The following RNF150 variants were observed in gnomAD, a reference collection of about 807,000 sequenced individuals.
RNF150 encodes ring finger protein 150.
In RNF150, 24 loss-of-function variants were observed where a neutral mutation model predicts 39.3. The ratio of observed to expected loss-of-function variants is 0.61; its 90% CI spans 0.44 to 0.86. The LOEUF (loss-of-function observed/expected upper bound fraction) is 0.86, where lower values mean the gene tolerates loss of function less well. RNF150 is among the 40% of genes least tolerant of loss of function. The pLI is 0.00. For missense variants in RNF150, 502 were observed against 587.8 expected, an observed-to-expected ratio of 0.85 and a Z score of 1.51; for synonymous variants, 255 against 227.3, an observed-to-expected ratio of 1.12 and a Z score of -1.10.
intron 1 of RNF150, among the ~76,000 whole-genome samples, chr4:141,047,257 G>C (rs1201047360): frequency 6.6e-6 from 1 of 152,012 alleles, no homozygotes; most frequent in Admixed American, 6.6e-5. Flanking sequence ...ATGTTAAAAC[G>C]CTATGACAGT....
chr4:141,121,556 C>T (rs1441725891), intron 1 of RNF150, among the ~76,000 whole-genome samples: 2 of 152,130 alleles, frequency 1.3e-5, no homozygotes, highest in Non-Finnish European at 2.9e-5. Flanking sequence ...AATCAAATTA[C>T]AAGGTCTAAT....
rs555153898 is a variant in RNF150 at position 141,186,650 on chromosome 4, C to G, written c.-6+26144G>C. Among the ~76,000 whole-genome samples the G allele has an allele frequency of 3.3e-5, 5 of 152,158 alleles. 1 individual carries two copies. The East Asian group carries it at 9.7e-4, about 29-fold the overall frequency. ...TCGATCTCCTGACCTAGTGATCCAC[C>G]TGCCTCAGCCTCCCAAAGTGCTGGG... On this transcript the variant is annotated intron_variant, in intron 1 of 7. Coordinates refer to the RNF150 transcript ENST00000420921.
At chr4:140,992,991 A>G (rs1734248722) in intron 1 of RNF150, among the ~76,000 whole-genome samples, 1 of 152,018 alleles carries the variant, frequency 6.6e-6, no homozygotes, top group African/African-American at 2.4e-5. Context: ...CAGGATCCAC[A>G]GGAGAGGACG....
intron 1 of RNF150, among the ~76,000 whole-genome samples, chr4:141,164,086 TAA>T (rs1171623276): frequency 6.6e-6 from 1 of 151,750 alleles, no homozygotes; most frequent in Non-Finnish European, 1.5e-5. Context: ...ATAACTAGAA[TAA>T]CCAGTTTAGA....
chr4:140,981,308 A>C (rs1220879133), intron 1 of RNF150, among the ~76,000 whole-genome samples: 1 of 152,168 alleles, frequency 6.6e-6, no homozygotes, highest in Admixed American at 6.6e-5. Flanking sequence ...ATAGAACCCA[A>C]GTATAAACTC....
chr4:141,017,771 T>C lies in RNF150; in HGVS notation c.485-49898A>G, dbSNP rs371709292. ...TGTATGTAATCTTTTCATATTGCTT[T>C]CTTTCACTTAGCAATATGCATTTAA... is the stretch of plus-strand genomic sequence containing the variant. On this transcript the variant is annotated intron_variant, in intron 1 of 6. Transcript: ENST00000515673. Among the ~76,000 whole-genome samples, 26 of 152,352 alleles carry C rather than the reference T, an allele frequency of 1.7e-4. No homozygotes were observed. In the South Asian group the frequency reaches 5.4e-3, roughly 32 times the overall value.
At chr4:141,008,570 T>C (rs1262516764) in intron 1 of RNF150, among the ~76,000 whole-genome samples, 4 of 152,256 alleles carry the variant, frequency 2.6e-5, no homozygotes, top group Non-Finnish European at 5.9e-5. Flanking sequence ...TTTTATAATC[T>C]TAGTTTTTTA....
chr4:141,041,858 A>G (rs1028450326), intron 1 of RNF150, among the ~76,000 whole-genome samples: 1 of 152,116 alleles, frequency 6.6e-6, no homozygotes, highest in Admixed American at 6.6e-5. Flanking sequence ...ATGAACGTAT[A>G]TATACCTAAA....
chr4:140,934,130 C>T (rs1294764901), intron 4 of RNF150, among the ~76,000 whole-genome samples: 1 of 152,184 alleles, frequency 6.6e-6, no homozygotes, highest in Non-Finnish European at 1.5e-5. Flanking sequence ...CCCACATTAG[C>T]CTCCCAAGCA....
chr4:141,032,691 G>A (rs935647137), intron 1 of RNF150, among the ~76,000 whole-genome samples: 1 of 151,644 alleles, frequency 6.6e-6, no homozygotes, highest in Non-Finnish European at 1.5e-5. Flanking sequence ...AGGCAACACA[G>A]GCCTTTAAGG....
rs753934087 is a variant in RNF150, at chr4:141,132,651, G to A, written c.158C>T (p.Pro53Leu). Residue 53 changes from proline to leucine, a missense_variant, in exon 1 of 7, where the codon CCG becomes CTG. Coordinates refer to ENST00000515673, the MANE Select transcript of RNF150 (RefSeq NM_020724.2). The surrounding 1 kb of genome is among the most constrained non-coding windows in gnomAD (Gnocchi z 4.9). Reference sequence around the variant, plus strand: ...GCCCGCCGCCCCGGCCCCGGGGTCCGGCGCGGGCTCGGCGTAGGTGATGTT... The same window carrying A: ...GCCCGCCGCCCCGGCCCCGGGGTCCAGCGCGGGCTCGGCGTAGGTGATGTT... ...FVNITYAEPA[P>L]DPGAGAAGGG... 1.2e-6 allele frequency: 2 copies of A among 1,601,674 alleles called. No individual in the cohort carries two copies. Among genetic ancestry groups the A allele is most frequent in the Non-Finnish European group, 1.7e-6 (2 of 1,175,402 alleles).
chr4:140,997,830 T>C (rs1045590349), intron 1 of RNF150, among the ~76,000 whole-genome samples: 1 of 148,178 alleles, frequency 6.7e-6, no homozygotes, highest in African/African-American at 2.5e-5. Flanking sequence ...AAAAAGAAAA[T>C]AAAAGAGTCC....
intron 1 of RNF150, among the ~76,000 whole-genome samples, chr4:141,027,579 T>C (rs995225083): frequency 3.3e-5 from 5 of 152,196 alleles, no homozygotes; most frequent in African/African-American, 2.4e-5. Flanking sequence ...TATATAGCCA[T>C]GTGACTAAAT....
intron 4 of RNF150, among the ~76,000 whole-genome samples, chr4:140,935,056 T>TAA (rs1553993277): frequency 4.3e-5 from 2 of 46,232 alleles, no homozygotes; most frequent in Non-Finnish European, 7.7e-5. Context: ...AATATATATA[T>TAA]TATATATATA....
At chr4:141,013,106 T>C (rs1053411389) in intron 1 of RNF150, among the ~76,000 whole-genome samples, 3 of 152,192 alleles carry the variant, frequency 2.0e-5, no homozygotes, top group Non-Finnish European at 2.9e-5. Context: ...TACTAAAGCA[T>C]GTTTTTTACA....
At chr4:141,177,754 C>T (rs1030018751) in intron 1 of RNF150, among the ~76,000 whole-genome samples, 1 of 152,148 alleles carries the variant, frequency 6.6e-6, no homozygotes, top group African/African-American at 2.4e-5. Context: ...CCTTTATCAT[C>T]TTAACTGTTC....
At chr4:141,121,675 C>T (rs745375010) in intron 1 of RNF150, among the ~76,000 whole-genome samples, 3 of 152,124 alleles carry the variant, frequency 2.0e-5, no homozygotes, top group Non-Finnish European at 4.4e-5. Context: ...GTCACCAAAA[C>T]CATTATTATC....
intron 1 of RNF150, among the ~76,000 whole-genome samples, chr4:141,000,075 AAGAAGAAGAAGG>A (rs1560679531): frequency 0.015 from 1,254 of 81,776 alleles, 234 homozygotes; most frequent in East Asian, 0.032. Flanking sequence ...GAAGAAGAAG[AAGAAGAAGAAGG>A]AGAAGAAGAA....
intron 1 of RNF150, among the ~76,000 whole-genome samples, chr4:141,048,897 T>C (rs1285294584): frequency 6.6e-6 from 1 of 152,204 alleles, no homozygotes; most frequent in South Asian, 2.1e-4. Context: ...GAAGCCAACA[T>C]AATACTTCTC....
Sources: gnomAD v4.1 joint callset for allele counts (sites outside exome capture counted in the v4.1 genomes callset) on GRCh38, gnomAD v4.1.1 for gene constraint, Gnocchi (gnomAD v3.1) non-coding constraint, MANE v1.5 for transcripts, NCBI Gene and HGNC (gene_info 2026-07-23, HGNC 2026-07-21) for gene names.